The following GSTA3 variants were observed in gnomAD, a reference collection of about 807,000 sequenced individuals.
GSTA3 encodes glutathione S-transferase alpha 3, also known as glutathione S-transferase A3.
A neutral mutation model predicts 23.1 loss-of-function variants in GSTA3; 16 were observed. That is an observed-to-expected ratio of 0.69 (90% confidence interval 0.47 to 1.05). The LOEUF (loss-of-function observed/expected upper bound fraction) is 1.05. Among genes scored for constraint, GSTA3 ranks in the 50% least tolerant of loss-of-function variants. GSTA3 has a pLI of 0.00. For synonymous variants in GSTA3, 122 were observed against 91.0 expected, an observed-to-expected ratio of 1.34 and a Z score of -1.94; for missense variants, 319 against 263.6, an observed-to-expected ratio of 1.21 and a Z score of -1.46.
chr6:52,902,365 C>T lies in GSTA3; in HGVS notation c.253G>A (p.Asp85Asn). 1.2e-6 allele frequency: 2 copies of T among 1,613,910 alleles called. No homozygotes were observed. Among genetic ancestry groups the T allele is most frequent in the Non-Finnish European group, 1.7e-6 (2 of 1,179,828 alleles). The change falls in exon 4 of 7, where the codon GAC becomes AAC. Residue 85 changes from aspartate (D) to asparagine (N), a missense_variant. Asp to Asn is a conservative substitution (Grantham distance 23). Transcript: ENST00000211122. ...CCGTACAGGGCTCTCTCCTTTATGT[C>T]TTTCCCGTAGAGGTTGTATTTGCTG... ...IASKYNLYGK[D>N]IKERALIDMY...
chr6:52,909,272 T>TCTAGTA (rs1765991136), intron 1 of GSTA3, among the ~76,000 whole-genome samples: 6 of 152,242 alleles, frequency 3.9e-5, no homozygotes, highest in African/African-American at 1.4e-4. Context: ...TAATTGTGTG[T>TCTAGTA]TGACTCCTGT....
chr6:52,903,803 C>G, intron 2 of GSTA3, 76 bp from the exon 3 acceptor site: 1 of 793,438 alleles, frequency 1.3e-6, no homozygotes, highest in South Asian at 1.5e-5. Flanking sequence ...TGAATGGCCT[C>G]CATCTGGTAC....
intron 4 of GSTA3, among the ~76,000 whole-genome samples, chr6:52,902,007 T>C (rs6916414): frequency 0.19 from 28,203 of 152,134 alleles, 3,442 homozygotes; most frequent in Non-Finnish European, 0.26. Flanking sequence ...TCTATGCCTG[T>C]CCTAAGCTGT....
Position 52,896,776 on chromosome 6 carries a change from T to C in GSTA3, c.*30A>G, listed in dbSNP as rs1235011317. The C allele has an allele frequency of 6.2e-7, 1 of 1,613,032 alleles. No homozygotes were observed. Among genetic ancestry groups the C allele is most frequent in the East Asian group, 2.2e-5 (1 of 44,858 alleles). ...TTGCAAAACTTTAGAATATTGGTCT[T>C]GCATGTTCTTAGCCTCCATGGCTGC... On this transcript the variant is annotated 3_prime_UTR_variant, in exon 7 of 7. Coordinates refer to ENST00000211122, the MANE Select transcript of GSTA3 (RefSeq NM_000847.5).
intron 4 of GSTA3, among the ~76,000 whole-genome samples, chr6:52,900,499 G>A (rs45447396): frequency 0.011 from 1,672 of 152,154 alleles, 30 homozygotes; most frequent in African/African-American, 0.038. Context: ...CTGACCTCAC[G>A]TGATCCACCC....
intron 1 of GSTA3, among the ~76,000 whole-genome samples, chr6:52,908,731 TAGAA>T (rs1437216832): frequency 6.6e-6 from 1 of 152,128 alleles, no homozygotes; most frequent in Non-Finnish European, 1.5e-5. Flanking sequence ...ATTTGGCAAA[TAGAA>T]AGAACTTGCA....
chr6:52,902,740 C>A (rs535903289), intron 3 of GSTA3, among the ~76,000 whole-genome samples: 1 of 152,170 alleles, frequency 6.6e-6, no homozygotes, highest in Admixed American at 6.5e-5. Context: ...ATTTTACTTG[C>A]GTTGATTTAT....
chr6:52,899,849 G>A (rs1242883883), intron 5 of GSTA3, 85 bp downstream of exon 5: 1 of 1,261,406 alleles, frequency 7.9e-7, no homozygotes, highest in Non-Finnish European at 1.1e-6. Flanking sequence ...TGAAAGTGAA[G>A]GTCAGTGCCC....
chr6:52,904,122 G>A (rs1402229284), intron 2 of GSTA3, among the ~76,000 whole-genome samples: 2 of 152,024 alleles, frequency 1.3e-5, no homozygotes, highest in African/African-American at 4.8e-5. Context: ...GAGTAGCTGG[G>A]ACTATAGGCA....
intron 3 of GSTA3, among the ~76,000 whole-genome samples, chr6:52,903,027 G>A (rs1426069373): frequency 1.3e-5 from 2 of 152,106 alleles, no homozygotes; most frequent in Non-Finnish European, 2.9e-5. Context: ...GTTCTTGTGT[G>A]TCCTTGGATG....
chr6:52,903,582 G>A, intron 3 of GSTA3, 94 bp downstream of exon 3: 2 of 676,710 alleles, frequency 3.0e-6, no homozygotes, highest in Non-Finnish European at 2.6e-6. Context: ...GGGCAACACA[G>A]CGAGACTCCG....
At chr6:52,906,072 T>C (rs1765881554) in intron 1 of GSTA3, among the ~76,000 whole-genome samples, 1 of 152,220 alleles carries the variant, frequency 6.6e-6, no homozygotes, top group Non-Finnish European at 1.5e-5. Flanking sequence ...GTAAGACCTT[T>C]GTTTTCATTT....
intron 1 of GSTA3, among the ~76,000 whole-genome samples, chr6:52,908,748 T>C (rs1765976031): frequency 6.6e-6 from 1 of 152,184 alleles, no homozygotes; most frequent in Admixed American, 6.5e-5. Flanking sequence ...AACTTGCATA[T>C]AGAAGGAATG....
At position 52,896,685 on chromosome 6, in the gene GSTA3, A is replaced by G. The variant is rs1765450273; in HGVS notation, c.*121T>C. The G allele has an allele frequency of 8.8e-7, 1 of 1,142,106 alleles. No homozygotes were observed. Among genetic ancestry groups the G allele is most frequent in the African/African-American group, 1.5e-5 (1 of 64,554 alleles). The allele number at this position is 1,142,106 out of a possible 1,614,324, so 70.7% of individuals were successfully genotyped here. A position where few individuals can be genotyped will look rare whatever the true frequency, so the allele number is the denominator to read the frequency against. Reference sequence around the variant, plus strand: ...GGAGTTTTTATTATTTAATTAGCATATAATTGGAAAGGGTTCATTAGCTTT... The same window carrying G: ...GGAGTTTTTATTATTTAATTAGCATGTAATTGGAAAGGGTTCATTAGCTTT... On this transcript the variant is annotated 3_prime_UTR_variant, in exon 7 of 7. Transcript: ENST00000211122.
chr6:52,903,856 C>A, intron 2 of GSTA3, 129 bp from the exon 3 acceptor site: 1 of 637,542 alleles, frequency 1.6e-6, no homozygotes, highest in Admixed American at 2.5e-5. Context: ...GCAGGGGACA[C>A]AGAAGAAGCT....
intron 5 of GSTA3, among the ~76,000 whole-genome samples, chr6:52,899,015 G>A (rs1022647093): frequency 3.9e-5 from 6 of 152,186 alleles, no homozygotes; most frequent in African/African-American, 1.4e-4. Flanking sequence ...GAATGAGTTA[G>A]GAGGAGAAGG....
Position 52,896,854 on chromosome 6 carries a change from G to A in GSTA3, c.621C>T (p.Pro207=), listed in dbSNP as rs536937526. Residue 207 remains proline (P), a synonymous_variant, in exon 7 of 7, where the codon CCC becomes CCT. Transcript: ENST00000211122. ...FLQPGSPRKP[P]ADAKALEEAR... ...CTTCTTCTAAAGCTTTTGCATCTGCGGGAGGCTTCCTTGGGCTGCCAGGCT... is the reference window on the plus strand; with the variant it reads ...CTTCTTCTAAAGCTTTTGCATCTGCAGGAGGCTTCCTTGGGCTGCCAGGCT... 5.9e-5 allele frequency: 95 copies of A among 1,614,026 alleles called. No homozygotes were observed. Among genetic ancestry groups the A allele is most frequent in the Non-Finnish European group, 7.5e-5 (89 of 1,179,966 alleles).
intron 5 of GSTA3, 59 bp from the exon 6 acceptor site, chr6:52,898,015 T>C: frequency 6.3e-7 from 1 of 1,597,912 alleles, no homozygotes; most frequent in Middle Eastern, 1.7e-4. Context: ...GGACCCCTGC[T>C]TCTCCCTGAG....
Position 52,897,782 on chromosome 6 carries a change from G to C in GSTA3, c.546+43C>G, listed in dbSNP as rs1019566426. 1.9e-6 allele frequency: 3 copies of C among 1,609,270 alleles called. No individual in the cohort carries two copies. In the African/African-American group the frequency reaches 4.0e-5, roughly 22 times the overall value. Reference sequence around the variant, plus strand: ...GGCCCAGATACTAGATCCCAAGATGGGACATGTGGGGCTGTCTCTCTGAGG... The same window carrying C: ...GGCCCAGATACTAGATCCCAAGATGCGACATGTGGGGCTGTCTCTCTGAGG... On this transcript the variant is annotated intron_variant, in intron 6 of 6. Transcript: ENST00000211122.
Sources: gnomAD v4.1 joint callset for allele counts (sites outside exome capture counted in the v4.1 genomes callset) on GRCh38, gnomAD v4.1.1 for gene constraint, MANE v1.5 for transcripts, NCBI Gene and HGNC (gene_info 2026-07-23, HGNC 2026-07-21) for gene names.